The following LRRC38 variants were observed in gnomAD, a reference collection of about 807,000 sequenced individuals.
LRRC38 encodes the protein leucine-rich repeat-containing protein 38.
In LRRC38, 5 loss-of-function variants were observed where a neutral mutation model predicts 16.4. The observed-to-expected ratio is 0.31, with a 90% CI of 0.16 to 0.64. LRRC38 has a LOEUF of 0.64. Among genes scored for constraint, LRRC38 ranks in the 30% least tolerant of loss-of-function variants. The pLI, the probability that LRRC38 is intolerant of heterozygous loss-of-function variation, is 0.80. For missense variants in LRRC38, 341 were observed against 401.8 expected, an observed-to-expected ratio of 0.85 and a Z score of 1.29; for synonymous variants, 191 against 190.2, an observed-to-expected ratio of 1.00 and a Z score of -0.04.
intron 1 of LRRC38, among the ~76,000 whole-genome samples, chr1:13,502,077 G>A (rs984352092): frequency 8.6e-5 from 13 of 150,582 alleles, no homozygotes; most frequent in Non-Finnish European, 1.8e-4. Flanking sequence ...ACAGGGGCAC[G>A]CTGCCACGCC....
intron 1 of LRRC38, among the ~76,000 whole-genome samples, chr1:13,479,507 G>A (rs1051076028): frequency 1.3e-4 from 20 of 152,168 alleles, no homozygotes; most frequent in African/African-American, 4.6e-4. Flanking sequence ...TTTCCACAAT[G>A]TTCTTTGTGC....
Position 13,485,759 on chromosome 1 carries a change from A to G in LRRC38, c.632-9660T>C, listed in dbSNP as rs117048104. 7.9e-5 allele frequency among the ~76,000 whole-genome samples: 12 copies of G among 152,298 alleles called. 1 individual carries two copies. In the East Asian group the frequency reaches 2.3e-3, roughly 29 times the overall value. ...CTAAAATGTCATTCAAGGGGGTTGC[A>G]TGCTGTGTTTGTTTTTTGGGCTGCT... is the stretch of plus-strand genomic sequence containing the variant. On this transcript the variant is annotated intron_variant, in intron 1 of 1. Transcript: ENST00000376085.
At chr1:13,506,648 G>A (rs546482920) in intron 1 of LRRC38, among the ~76,000 whole-genome samples, 2 of 152,214 alleles carry the variant, frequency 1.3e-5, no homozygotes, top group East Asian at 3.9e-4. Context: ...TAGTAGAGAT[G>A]GGGTTTCACC....
chr1:13,486,398 A>C (rs1374985666), intron 1 of LRRC38, among the ~76,000 whole-genome samples: 1 of 152,110 alleles, frequency 6.6e-6, no homozygotes, highest in Non-Finnish European at 1.5e-5. Context: ...ATAAGGTCAC[A>C]TTCATAGGTG....
Position 13,513,737 on chromosome 1 carries a change from G to T in LRRC38, c.-144C>A. 3.7e-6 allele frequency: 1 copy of T among 267,802 alleles called. No individual in the cohort carries two copies. The highest frequency in any genetic ancestry group is 5.8e-6 in the Non-Finnish European group (1 of 173,702). 16.6% of individuals were successfully genotyped at this position (267,802 alleles called of 1,614,324 possible). On this transcript the variant is annotated 5_prime_UTR_variant, in exon 1 of 2. Coordinates refer to ENST00000376085, the MANE Select transcript of LRRC38 (RefSeq NM_001010847.2). ...GCGGGGAGGGCGTGCGCCCGGGCGT[G>T]CGGGGGCGATGGAGCGCGGCGCGGA... is the stretch of plus-strand genomic sequence containing the variant.
chr1:13,489,722 C>T (rs1325705542), intron 1 of LRRC38, among the ~76,000 whole-genome samples: 7 of 152,206 alleles, frequency 4.6e-5, no homozygotes, highest in Admixed American at 2.6e-4. Context: ...GGAACACCAG[C>T]TTTAATTTCT....
At chr1:13,511,412 G>A (rs150258589) in intron 1 of LRRC38, among the ~76,000 whole-genome samples, 11 of 152,146 alleles carry the variant, frequency 7.2e-5, no homozygotes, top group Middle Eastern at 3.4e-3. Context: ...AGAGGTCAAC[G>A]CAAGAATTCT....
At chr1:13,506,345 T>G (rs1174232299) in intron 1 of LRRC38, among the ~76,000 whole-genome samples, 2 of 152,310 alleles carry the variant, frequency 1.3e-5, no homozygotes, top group East Asian at 3.9e-4. Context: ...GGCTGGGATC[T>G]TACTGTGGCC....
chr1:13,504,065 G>A (rs1639180920), intron 1 of LRRC38, among the ~76,000 whole-genome samples: 1 of 152,180 alleles, frequency 6.6e-6, no homozygotes, highest in South Asian at 2.1e-4. Flanking sequence ...AGTTCATTGG[G>A]TTTCATATAT....
At chr1:13,489,879 C>G (rs1351485077) in intron 1 of LRRC38, among the ~76,000 whole-genome samples, 1 of 152,134 alleles carries the variant, frequency 6.6e-6, no homozygotes, top group Admixed American at 6.5e-5. Flanking sequence ...TAAGAGGAAG[C>G]TACATCTGCA....
intron 1 of LRRC38, among the ~76,000 whole-genome samples, chr1:13,496,338 AT>A (rs34397188): frequency 0.076 from 11,498 of 151,770 alleles, 625 homozygotes; most frequent in Non-Finnish European, 0.11. Context: ...CTAGCTATTT[AT>A]TTTTTATTTT....
intron 1 of LRRC38, among the ~76,000 whole-genome samples, chr1:13,503,011 C>T (rs749132768): frequency 1.3e-5 from 2 of 152,182 alleles, no homozygotes; most frequent in Non-Finnish European, 2.9e-5. Context: ...CTTGCACCTC[C>T]TGATTTGAAA....
intron 1 of LRRC38, among the ~76,000 whole-genome samples, chr1:13,481,786 TCC>T (rs1491442376): frequency 0.029 from 751 of 25,676 alleles, 9 homozygotes; most frequent in South Asian, 0.13. Context: ...TCTCCCTCTC[TCC>T]CTCTCTCTCT....
chr1:13,513,154 G>A lies in LRRC38; in HGVS notation c.440C>T (p.Ala147Val). The change falls in exon 1 of 2, where the codon GCC becomes GTC. Residue 147 changes from alanine to valine, a missense_variant. Coordinates refer to ENST00000376085, the MANE Select transcript of LRRC38 (RefSeq NM_001010847.2). ...NNNLVGVHED[A>V]FETLESLQVL... ...CTGCAGCGACTCCAGGGTCTCGAAGGCGTCCTCGTGCACGCCCACCAGGTT... is the reference window on the plus strand; with the variant it reads ...CTGCAGCGACTCCAGGGTCTCGAAGACGTCCTCGTGCACGCCCACCAGGTT... The A allele has an allele frequency of 6.4e-7, 1 of 1,550,468 alleles. No homozygotes were observed. The highest frequency in any genetic ancestry group is 8.7e-7 in the Non-Finnish European group (1 of 1,146,926).
intron 1 of LRRC38, among the ~76,000 whole-genome samples, chr1:13,506,323 A>G (rs569882478): frequency 9.2e-5 from 14 of 152,280 alleles, no homozygotes; most frequent in African/African-American, 2.9e-4. Flanking sequence ...CGGGACCGAA[A>G]GGGATGCACT....
rs1638956073 is a variant in LRRC38, at chr1:13,487,897, TA to T, written c.632-11799del. Among the ~76,000 whole-genome samples, 1 of 152,146 alleles carries T rather than the reference TA, an allele frequency of 6.6e-6. No individual in the cohort carries two copies. The highest frequency in any genetic ancestry group is 1.5e-5 in the Non-Finnish European group (1 of 68,040). ...GGTAAGCGCTTTTTGTCATTAAAAA[TA>T]TTTTTTTGTTTTCTTATCTCCACAT... On this transcript the variant is annotated intron_variant, in intron 1 of 1. Coordinates refer to ENST00000376085, the MANE Select transcript of LRRC38 (RefSeq NM_001010847.2). The surrounding 1 kb of genome is among the most constrained non-coding windows in gnomAD (Gnocchi z 4.4).
chr1:13,493,720 C>T (rs1308951430), intron 1 of LRRC38, among the ~76,000 whole-genome samples: 1 of 152,040 alleles, frequency 6.6e-6, no homozygotes, highest in African/African-American at 2.4e-5. Flanking sequence ...GTGCTGGAAG[C>T]CTCTAACCTG....
intron 1 of LRRC38, among the ~76,000 whole-genome samples, chr1:13,481,353 T>G (rs1557494786): frequency 6.6e-6 from 1 of 150,906 alleles, no homozygotes; most frequent in African/African-American, 2.4e-5. Flanking sequence ...ACACAGCATC[T>G]GGCCAGGGAT....
At chr1:13,491,256 C>T (rs1639008305) in intron 1 of LRRC38, among the ~76,000 whole-genome samples, 2 of 152,352 alleles carry the variant, frequency 1.3e-5, no homozygotes, top group Admixed American at 6.5e-5. Flanking sequence ...AGTAGCCAGC[C>T]TCACTCACGC....
Sources: allele counts gnomAD v4.1 joint callset (sites outside exome capture counted in the v4.1 genomes callset), GRCh38; gene constraint gnomAD v4.1.1; non-coding constraint Gnocchi (gnomAD v3.1); transcripts MANE v1.5; gene names NCBI Gene and HGNC (gene_info 2026-07-23, HGNC 2026-07-21).